The following PLS3 variants were observed in gnomAD, a reference collection of about 807,000 sequenced individuals.
PLS3 encodes the protein plastin-3.
PLS3 carries 11 observed loss-of-function variants against 46.5 expected under a neutral mutation model. The observed-to-expected ratio is 0.24, with a 90% CI of 0.15 to 0.39. PLS3 has a LOEUF of 0.39. PLS3 is among the 10% of genes least tolerant of loss of function. The pLI is 1.00. For missense variants in PLS3, 308 were observed against 461.8 expected (o/e 0.67, Z 3.05); for synonymous variants, 167 against 162.2 (o/e 1.03, Z -0.22).
chrX:115,562,809 C>T (rs1048523589), intron 1 of PLS3: 3 of 89,339 alleles, frequency 3.4e-5, no homozygotes, highest in African/African-American at 1.2e-4. Context: ...GGTTGAGGCC[C>T]ATATTCCAAA....
At chrX:115,641,227 T>C (rs2074892373) in intron 9 of PLS3, among the ~76,000 whole-genome samples, 1 of 61,476 alleles carries the variant, frequency 1.6e-5, no homozygotes, top group Non-Finnish European at 2.6e-5. Context: ...TTCTCTTTCT[T>C]TTTTTTTTTT....
intron 2 of PLS3, among the ~76,000 whole-genome samples, chrX:115,621,237 A>T (rs915686826): frequency 7.3e-5 from 8 of 108,848 alleles, no homozygotes; most frequent in African/African-American, 2.3e-4. Context: ...CTGGTCTCGA[A>T]CTCCTGGCCT....
At chrX:115,589,558 G>GA (rs782420083) in intron 1 of PLS3, among the ~76,000 whole-genome samples, 45 of 110,953 alleles carry the variant, frequency 4.1e-4, no homozygotes, top group African/African-American at 1.4e-3. Context: ...CATGAAGATG[G>GA]AAAAAAAACT....
intron 3 of PLS3, among the ~76,000 whole-genome samples, chrX:115,626,018 T>G (rs2074706977): frequency 8.9e-6 from 1 of 112,429 alleles, no homozygotes; most frequent in Non-Finnish European, 1.9e-5. Context: ...AAGTCTTTCC[T>G]TGTGGAGAGA....
chrX:115,631,282 G>T (rs782489406), intron 5 of PLS3, among the ~76,000 whole-genome samples: 1 of 108,286 alleles, frequency 9.2e-6, no homozygotes, highest in East Asian at 2.8e-4. Flanking sequence ...TGTTGGTCAG[G>T]CTGGTCTCGA....
At chrX:115,625,694 C>T (rs1032307329) in intron 3 of PLS3, among the ~76,000 whole-genome samples, 3 of 110,617 alleles carry the variant, frequency 2.7e-5, no homozygotes, top group African/African-American at 6.6e-5. Context: ...TCTTTGGAAA[C>T]ATTTTGGAAA....
chrX:115,610,205 AT>A, intron 1 of PLS3, 37 bp from the exon 2 acceptor site: 1 of 753,744 alleles, frequency 1.3e-6, no homozygotes, highest in South Asian at 2.7e-5. Flanking sequence ...ATTTATCACA[AT>A]TTTTTAAAGT....
intron 7 of PLS3, among the ~76,000 whole-genome samples, chrX:115,636,363 C>T (rs1433113014): frequency 9.1e-6 from 1 of 109,921 alleles, no homozygotes; most frequent in Non-Finnish European, 1.9e-5. Flanking sequence ...CCCGCCACCA[C>T]GCCCGGCTAA....
chrX:115,649,284 C>A (rs966728127), intron 15 of PLS3, 145 bp from the exon 16 acceptor site: 5 of 408,547 alleles, frequency 1.2e-5, no homozygotes, highest in East Asian at 4.3e-5. Context: ...CAAAAGAAAA[C>A]AAAAAGCAAA....
chrX:115,563,451 T>C (rs2074152774), intron 1 of PLS3, among the ~76,000 whole-genome samples: 1 of 111,135 alleles, frequency 9.0e-6, no homozygotes, highest in Non-Finnish European at 1.9e-5. Flanking sequence ...AGGTTGCTTC[T>C]GGGAAAACGT....
chrX:115,641,744 T>C (rs1269424690), intron 9 of PLS3, among the ~76,000 whole-genome samples: 1 of 111,050 alleles, frequency 9.0e-6, no homozygotes, highest in African/African-American at 3.3e-5. Flanking sequence ...CCGATTCTGA[T>C]ACACCCCTTC....
At chrX:115,564,548 GA>G (rs1556629912) in intron 1 of PLS3, among the ~76,000 whole-genome samples, 2 of 112,328 alleles carry the variant, frequency 1.8e-5, no homozygotes. Flanking sequence ...CATGGTGCTT[GA>G]GCACCAAAGT....
chrX:115,632,975 A>G (rs1320086960), intron 5 of PLS3, among the ~76,000 whole-genome samples: 3 of 110,575 alleles, frequency 2.7e-5, no homozygotes, highest in Non-Finnish European at 3.8e-5. Flanking sequence ...AGCTCAAGCA[A>G]TCTGCCTGCC....
In PLS3 at chrX:115,591,436, G is replaced by A. The variant is rs182209748; in HGVS notation, c.-8-18807G>A. 3.6e-5 allele frequency among the ~76,000 whole-genome samples: 4 copies of A among 112,050 alleles called. No individual in the cohort carries two copies. The Admixed American group carries it at 3.8e-4, about 11-fold the overall frequency. Reference sequence around the variant, plus strand: ...TTAAGTAGTACTGTTATAACGACCTGTAAAACTTGAAACGAGAGAAAGCTG... The same window carrying A: ...TTAAGTAGTACTGTTATAACGACCTATAAAACTTGAAACGAGAGAAAGCTG... On this transcript the variant is annotated intron_variant, in intron 1 of 15. Coordinates refer to ENST00000355899, the MANE Select transcript of PLS3 (RefSeq NM_005032.7).
chrX:115,592,779 A>G (rs782718894), intron 1 of PLS3, among the ~76,000 whole-genome samples: 9 of 111,621 alleles, frequency 8.1e-5, no homozygotes, highest in Non-Finnish European at 1.3e-4. Flanking sequence ...GAACTGCGAT[A>G]TGATGGAGTT....
At position 115,616,691 on chromosome X, in the gene PLS3, C is replaced by G. The variant is rs982057490; in HGVS notation, c.74-5555C>G. On this transcript the variant is annotated intron_variant, in intron 2 of 15. Transcript: ENST00000355899. ...GGTTCGAAATAAAATTAGCATAAAA[C>G]TCTTTAAGAATAATTGCATGCTATT... 4.5e-5 allele frequency among the ~76,000 whole-genome samples: 5 copies of G among 111,941 alleles called. No individual in the cohort carries two copies. The East Asian group carries it at 1.4e-3, about 31-fold the overall frequency.
intron 7 of PLS3, among the ~76,000 whole-genome samples, chrX:115,635,957 G>A (rs1374517432): frequency 2.7e-5 from 3 of 109,780 alleles, no homozygotes; most frequent in Non-Finnish European, 5.7e-5. Context: ...GGAGGCAGAG[G>A]TTGCAGTGAG....
At chrX:115,604,238 A>G (rs1004442290) in intron 1 of PLS3, among the ~76,000 whole-genome samples, 1 of 112,092 alleles carries the variant, frequency 8.9e-6, no homozygotes. Flanking sequence ...GGGAGATGAG[A>G]TAACTTTTCA....
intron 1 of PLS3, among the ~76,000 whole-genome samples, chrX:115,583,829 A>AGT (rs1258818272): frequency 8.9e-6 from 1 of 111,951 alleles, no homozygotes; most frequent in Non-Finnish European, 1.9e-5. Context: ...AAGCTAAAGC[A>AGT]GTGATGTTTT....
Sources: allele counts gnomAD v4.1 joint callset (sites outside exome capture counted in the v4.1 genomes callset), GRCh38; gene constraint gnomAD v4.1.1; transcripts MANE v1.5; gene names NCBI Gene and HGNC (gene_info 2026-07-23, HGNC 2026-07-21).